Variants in ATL2 observed in about 807,000 individuals in gnomAD.
ATL2 encodes atlastin-2.
ATL2 carries 31 observed loss-of-function variants against 73.9 expected under a neutral mutation model. The observed-to-expected ratio is 0.42, with a 90% CI of 0.32 to 0.57. The LOEUF (loss-of-function observed/expected upper bound fraction) is 0.57, where lower values mean the gene tolerates loss of function less well. ATL2 is among the 20% of genes least tolerant of loss of function. The pLI is 0.14. For missense variants in ATL2, 738 were observed against 702.6 expected, an observed-to-expected ratio of 1.05 and a Z score of -0.57; for synonymous variants, 291 against 237.5, an observed-to-expected ratio of 1.23 and a Z score of -2.07.
rs1667024926 is a variant in ATL2, at chr2:38,298,531, C to T, written c.1245G>A (p.Glu415=). The stretch of plus-strand genomic sequence containing the variant: ...CTTCCTTGAGATCCAAGTGTTTTCG[C>T]TCCAGATCTGAAGGTGCAATGTAAG... ...DKPYIAPSDL[E]RKHLDLKEVA... Residue 415 remains glutamate (E), a synonymous_variant, in exon 12 of 13, where the codon GAG becomes GAA. Coordinates refer to ENST00000378954, the MANE Select transcript of ATL2 (RefSeq NM_001135673.4). The T allele has an allele frequency of 1.9e-6, 3 of 1,614,168 alleles. No individual in the cohort carries two copies. Among genetic ancestry groups the T allele is most frequent in the Non-Finnish European group, 2.5e-6 (3 of 1,179,998 alleles).
chr2:38,374,454 A>T lies in ATL2; in HGVS notation c.118+2689T>A, dbSNP rs76522769. On this transcript the variant is annotated intron_variant, in intron 1 of 12. Transcript: ENST00000378954. ...TTACACGTTAAAAACAAGAAAGAAA[A>T]GAAGAAAGCTGCTTCCCTGCACCTA... Among the ~76,000 whole-genome samples, 1,053 of 152,350 alleles carry T rather than the reference A, an allele frequency of 6.9e-3. 12 individuals carry two copies. The highest frequency in any genetic ancestry group is 0.058 in the East Asian group (302 of 5,192).
At chr2:38,376,403 T>A (rs1671969164) in intron 1 of ATL2, 1 of 449,832 alleles carries the variant, frequency 2.2e-6, no homozygotes, top group East Asian at 3.4e-5. Context: ...CTACAGACAC[T>A]TTCAGAGTGA....
chr2:38,370,448 C>A (rs1168360820), intron 1 of ATL2, among the ~76,000 whole-genome samples: 1 of 55,188 alleles, frequency 1.8e-5, no homozygotes. Flanking sequence ...GACTCTGTCC[C>A]AAAAAAAAAA....
chr2:38,316,915 T>C (rs1183316317), intron 4 of ATL2, among the ~76,000 whole-genome samples: 2 of 152,054 alleles, frequency 1.3e-5, no homozygotes, highest in African/African-American at 2.4e-5. Flanking sequence ...AGCTGTGCCA[T>C]CTTGCAAGAT....
Position 38,318,547 on chromosome 2 carries a change from A to T in ATL2, c.591T>A (p.Thr197=). ...TCTTGTGTCTCACCTGGACAGAGCT[A>T]GTCATAGTGCTCAGAGCAAACACCG... ...CATVFALSTM[T]SSVQVYNLSQ... Residue 197 remains threonine (T), a synonymous_variant, in exon 4 of 13, where the codon ACT becomes ACA. Transcript: ENST00000378954. 2 of 1,601,946 alleles carry T rather than the reference A, an allele frequency of 1.2e-6. No homozygotes were observed. Among genetic ancestry groups the T allele is most frequent in the Non-Finnish European group, 1.7e-6 (2 of 1,176,070 alleles).
intron 1 of ATL2, among the ~76,000 whole-genome samples, chr2:38,355,994 G>A (rs1005749882): frequency 4.6e-5 from 7 of 151,660 alleles, no homozygotes; most frequent in African/African-American, 1.5e-4. Flanking sequence ...ACCATGCCTG[G>A]CCACATTTGG....
Position 38,308,277 on chromosome 2 carries a change from A to G in ATL2, c.1071+1102T>C, listed in dbSNP as rs200585402. 3.3e-5 allele frequency among the ~76,000 whole-genome samples: 5 copies of G among 152,252 alleles called. No homozygotes were observed. The East Asian group carries it at 9.6e-4, about 29-fold the overall frequency. ...ATGAAGTACTACTCATCCATATAAA[A>G]GAATGAGATCCTGTCATTTCCAACA... On this transcript the variant is annotated intron_variant, in intron 9 of 12. Coordinates refer to ENST00000378954, the MANE Select transcript of ATL2 (RefSeq NM_001135673.4).
intron 1 of ATL2, among the ~76,000 whole-genome samples, chr2:38,352,141 A>AAG (rs1670390561): frequency 8.9e-6 from 1 of 111,946 alleles, no homozygotes; most frequent in Non-Finnish European, 1.6e-5. Flanking sequence ...ACCAAAAAAA[A>AAG]AAAAAAAAAA....
intron 2 of ATL2, among the ~76,000 whole-genome samples, chr2:38,323,405 A>C (rs963091717): frequency 1.8e-5 from 2 of 109,500 alleles, no homozygotes; most frequent in African/African-American, 3.6e-5. Context: ...TATGTTGCCC[A>C]GGCCGGTCTT....
upstream of ATL2, among the ~76,000 whole-genome samples, chr2:38,377,488 G>A (rs1247156642): frequency 2.7e-5 from 4 of 147,422 alleles, no homozygotes; most frequent in African/African-American, 1.0e-4. Context: ...CCCGCCTGCA[G>A]ATCCGTCTCC....
intron 2 of ATL2, 138 bp from the exon 3 acceptor site, chr2:38,319,157 G>A: frequency 1.1e-6 from 1 of 926,478 alleles, no homozygotes. Context: ...CAAACAAGTA[G>A]TTACAAAGCA....
intron 1 of ATL2, 26 bp from the exon 2 acceptor site, chr2:38,343,538 G>A (rs904342104): frequency 6.3e-7 from 1 of 1,591,248 alleles, no homozygotes; most frequent in Non-Finnish European, 8.6e-7. Context: ...AAAGAAACTG[G>A]TTACTTTAAT....
intron 2 of ATL2, among the ~76,000 whole-genome samples, chr2:38,341,219 G>A (rs1204750627): frequency 6.6e-6 from 1 of 152,118 alleles, no homozygotes; most frequent in African/African-American, 2.4e-5. Flanking sequence ...CTAACTTAAG[G>A]ACTTAAGAGG....
Position 38,298,433 on chromosome 2 carries a change from A to C in ATL2, c.1343T>G (p.Leu448Arg), listed in dbSNP as rs1488482774. Residue 448 changes from leucine (L) to arginine (R), a missense_variant, in exon 12 of 13, where the codon CTT becomes CGT. Transcript: ENST00000378954. Reference sequence around the variant, plus strand: ...ATAGGTTTCTTCAATTTCAGCTTCAAGCTGGTCCTGATAACGACGGCAGAA... The same window carrying C: ...ATAGGTTTCTTCAATTTCAGCTTCACGCTGGTCCTGATAACGACGGCAGAA... ...DEFCRRYQDQLEAEIEETYAN... is the reference protein window; with the variant it reads ...DEFCRRYQDQREAEIEETYAN... 6.2e-7 allele frequency: 1 copy of C among 1,614,170 alleles called. No individual in the cohort carries two copies. Among genetic ancestry groups the C allele is most frequent in the South Asian group, 1.1e-5 (1 of 91,080 alleles).
At chr2:38,348,538 C>T (rs1229564857) in intron 1 of ATL2, among the ~76,000 whole-genome samples, 1 of 151,462 alleles carries the variant, frequency 6.6e-6, no homozygotes, top group Non-Finnish European at 1.5e-5. Flanking sequence ...GCTAAAATAT[C>T]ACAATGACCA....
intron 1 of ATL2, among the ~76,000 whole-genome samples, chr2:38,345,267 G>A (rs1669955205): frequency 6.6e-6 from 1 of 152,178 alleles, no homozygotes; most frequent in Non-Finnish European, 1.5e-5. Context: ...TGAGGAGAAA[G>A]CCAGTCCACT....
At chr2:38,341,328 T>C (rs1039266328) in intron 2 of ATL2, among the ~76,000 whole-genome samples, 3 of 152,210 alleles carry the variant, frequency 2.0e-5, no homozygotes, top group Non-Finnish European at 4.4e-5. Flanking sequence ...TGTAAAATTC[T>C]AGATCAAGTC....
chr2:38,374,285 G>T (rs1197727419), intron 1 of ATL2, among the ~76,000 whole-genome samples: 4 of 152,188 alleles, frequency 2.6e-5, no homozygotes, highest in African/African-American at 9.7e-5. Context: ...AACTACTAAA[G>T]TAATGAATTC....
chr2:38,329,852 G>C (rs1394363492), intron 2 of ATL2, among the ~76,000 whole-genome samples: 1 of 152,098 alleles, frequency 6.6e-6, no homozygotes, highest in African/African-American at 2.4e-5. Context: ...AAATCAGCTG[G>C]GCATGGTGGC....
Sources: gnomAD v4.1 joint callset for allele counts (sites outside exome capture counted in the v4.1 genomes callset) on GRCh38, gnomAD v4.1.1 for gene constraint, MANE v1.5 for transcripts, NCBI Gene and HGNC (gene_info 2026-07-23, HGNC 2026-07-21) for gene names.